Variants in IGDCC3 observed in about 807,000 individuals in gnomAD.
IGDCC3 encodes the protein putative neuronal cell adhesion molecule.
A neutral mutation model predicts 72.0 loss-of-function variants in IGDCC3; 47 were observed. The ratio of observed to expected loss-of-function variants is 0.65; its 90% CI spans 0.52 to 0.83. The LOEUF (loss-of-function observed/expected upper bound fraction) is 0.83, where lower values mean the gene tolerates loss of function less well. Ranked by LOEUF, IGDCC3 falls within the 40% of genes least tolerant of loss-of-function variation. The pLI is 0.00. For missense variants in IGDCC3, 1,038 were observed against 1,091.3 expected (o/e 0.95, Z 0.69); for synonymous variants, 477 against 472.8 (o/e 1.01, Z -0.11).
chr15:65,360,637 A>C (rs115043633), intron 2 of IGDCC3, among the ~76,000 whole-genome samples: 147 of 152,384 alleles, frequency 9.6e-4, no homozygotes, highest in African/African-American at 3.4e-3. Flanking sequence ...AGATAGCAGA[A>C]AAAGATCTGA....
At chr15:65,375,776 C>G (rs1357588493) in intron 1 of IGDCC3, among the ~76,000 whole-genome samples, 5 of 152,166 alleles carry the variant, frequency 3.3e-5, no homozygotes, top group African/African-American at 1.2e-4. Flanking sequence ...CTTCGATGGT[C>G]ACCCTGGATA....
intron 2 of IGDCC3, among the ~76,000 whole-genome samples, chr15:65,372,163 T>C (rs1482278796): frequency 6.6e-6 from 1 of 152,128 alleles, no homozygotes; most frequent in Non-Finnish European, 1.5e-5. Context: ...CCGGCTCCCG[T>C]TACTCAGTGC....
intron 1 of IGDCC3, among the ~76,000 whole-genome samples, chr15:65,376,614 T>TC (rs1199046823): frequency 4.4e-4 from 6 of 13,546 alleles, no homozygotes; most frequent in Non-Finnish European, 9.0e-4. Flanking sequence ...CGCGCCCCCC[T>TC]CCCCCCGTCC....
chr15:65,334,402 G>A (rs1369783950), intron 5 of IGDCC3, among the ~76,000 whole-genome samples: 1 of 152,018 alleles, frequency 6.6e-6, no homozygotes, highest in African/African-American at 2.4e-5. Flanking sequence ...TAGCAGGAGG[G>A]GACAGATTCT....
At position 65,333,331 on chromosome 15, in the gene IGDCC3, C is replaced by T; in HGVS notation, c.908G>A (p.Gly303Asp). Residue 303 changes from glycine (G) to aspartate (D), a missense_variant, in exon 6 of 14, where the codon GGC becomes GAC. By Grantham distance (94) the Gly-to-Asp change is moderately conservative. Transcript: ENST00000327987. The stretch of plus-strand genomic sequence containing the variant: ...TCTGTTGGCTGCACAGACGTAGACG[C>T]CAGAGTGCTGGACCGTCACGTCTGA... ...IISDVTVQHSGVYVCAANRPG... is the reference protein window; with the variant it reads ...IISDVTVQHSDVYVCAANRPG... The T allele has an allele frequency of 2.5e-6, 4 of 1,613,370 alleles. No individual in the cohort carries two copies. The highest frequency in any genetic ancestry group is 3.4e-6 in the Non-Finnish European group (4 of 1,179,726).
intron 2 of IGDCC3, among the ~76,000 whole-genome samples, chr15:65,337,781 A>G (rs1298817853): frequency 6.6e-6 from 1 of 152,068 alleles, no homozygotes; most frequent in Non-Finnish European, 1.5e-5. Context: ...AGCTGTCTAC[A>G]TCCCCCAGGC....
At chr15:65,331,270 C>T in intron 8 of IGDCC3, 56 bp from the exon 9 acceptor site, 17 of 1,595,624 alleles carry the variant, frequency 1.1e-5, no homozygotes, top group Non-Finnish European at 1.5e-5. Flanking sequence ...GTCCTGCCAG[C>T]ATTGGTGAAA....
intron 2 of IGDCC3, among the ~76,000 whole-genome samples, chr15:65,350,348 C>G (rs1367269352): frequency 1.3e-5 from 2 of 151,956 alleles, no homozygotes; most frequent in Non-Finnish European, 2.9e-5. Flanking sequence ...CCAGGCTGGT[C>G]TCTGAACTCC....
chr15:65,371,743 A>G (rs1358701135), intron 2 of IGDCC3, among the ~76,000 whole-genome samples: 2 of 152,208 alleles, frequency 1.3e-5, no homozygotes, highest in Non-Finnish European at 2.9e-5. Context: ...GACTCGGGGT[A>G]GGTCCCCCAT....
At chr15:65,342,557 C>T (rs1445060526) in intron 2 of IGDCC3, among the ~76,000 whole-genome samples, 2 of 152,262 alleles carry the variant, frequency 1.3e-5, no homozygotes, top group African/African-American at 4.8e-5. Flanking sequence ...AGTGCTGGTC[C>T]AGACCCGAAG....
intron 2 of IGDCC3, among the ~76,000 whole-genome samples, chr15:65,337,176 G>A (rs1039186676): frequency 2.0e-4 from 31 of 152,350 alleles, no homozygotes; most frequent in African/African-American, 5.5e-4. Flanking sequence ...GAGCCTTTGT[G>A]CCCTTCCACC....
In IGDCC3 at chr15:65,377,772, G is replaced by A. The variant is rs2140177358; in HGVS notation, c.17C>T (p.Ala6Val). The part of the protein sequence containing the change: MAVQR[A>V]ASPRRPPAPL... ...GGCGGGCGGGCGGCGCGGAGACGCGGCGCGCTGCACAGCCATGGGGCTCTC... is the reference window on the plus strand; with the variant it reads ...GGCGGGCGGGCGGCGCGGAGACGCGACGCGCTGCACAGCCATGGGGCTCTC... The change falls in exon 1 of 14, where the codon GCC becomes GTC. Residue 6 changes from alanine to valine, a missense_variant. Ala to Val is a moderately conservative substitution (Grantham distance 64). Coordinates refer to ENST00000327987, the MANE Select transcript of IGDCC3 (RefSeq NM_004884.4). This position sits in a 1 kb window ranked among gnomAD's most constrained non-coding sequence, Gnocchi z 4.9. 3.1e-6 allele frequency: 4 copies of A among 1,298,364 alleles called. No homozygotes were observed. The East Asian group carries it at 9.7e-5, about 32-fold the overall frequency. The allele number at this position is 1,298,364 out of a possible 1,614,324, so 80.4% of individuals were successfully genotyped here. A position where few individuals can be genotyped will look rare whatever the true frequency, so the allele number is the denominator to read the frequency against.
intron 2 of IGDCC3, among the ~76,000 whole-genome samples, chr15:65,343,791 C>T (rs2140149003): frequency 6.6e-6 from 1 of 152,340 alleles, no homozygotes; most frequent in Admixed American, 6.5e-5. Flanking sequence ...CTTTAAACTC[C>T]TCAAGGCACC....
At chr15:65,345,545 C>G (rs957094737) in intron 2 of IGDCC3, among the ~76,000 whole-genome samples, 1 of 151,302 alleles carries the variant, frequency 6.6e-6, no homozygotes, top group African/African-American at 2.4e-5. Flanking sequence ...CAGAGTGAGA[C>G]CCTGTCTCAC....
In IGDCC3 at chr15:65,339,131, G is replaced by A. The variant is rs1028692565; in HGVS notation, c.410-3175C>T. Among the ~76,000 whole-genome samples the A allele has an allele frequency of 1.1e-4, 17 of 152,118 alleles. No individual in the cohort carries two copies. The highest frequency in any genetic ancestry group is 3.4e-3 in the Middle Eastern group (1 of 294). ...GAATCTTGCTCTGTCACCCAGGCTG[G>A]AGTGCAATGGCATGATCTCAGCTCA... On this transcript the variant is annotated intron_variant, in intron 2 of 13. Coordinates refer to ENST00000327987, the MANE Select transcript of IGDCC3 (RefSeq NM_004884.4). The surrounding 1 kb of genome is among the most constrained non-coding windows in gnomAD (Gnocchi z 4.1).
intron 5 of IGDCC3, among the ~76,000 whole-genome samples, chr15:65,334,349 C>T (rs954039119): frequency 2.0e-5 from 3 of 152,164 alleles, no homozygotes; most frequent in Admixed American, 6.5e-5. Flanking sequence ...GGACTTGGGA[C>T]TGCACAGCTG....
At chr15:65,370,506 C>CAA (rs201261288) in intron 2 of IGDCC3, among the ~76,000 whole-genome samples, 12 of 33,130 alleles carry the variant, frequency 3.6e-4, no homozygotes, top group East Asian at 2.9e-3. Context: ...GACTTGGTCT[C>CAA]AAAAAAAAAA....
intron 2 of IGDCC3, among the ~76,000 whole-genome samples, chr15:65,352,172 T>A (rs590275): frequency 0.13 from 20,119 of 152,196 alleles, 1,605 homozygotes; most frequent in African/African-American, 0.23. Context: ...GATCCTTTGT[T>A]TTTCAGAGTC....
chr15:65,367,345 T>TAA (rs2091293440), intron 2 of IGDCC3, among the ~76,000 whole-genome samples: 1 of 57,502 alleles, frequency 1.7e-5, no homozygotes. Flanking sequence ...AGACTTTGTC[T>TAA]CAAAAAAAAA....
Sources: allele counts gnomAD v4.1 joint callset (sites outside exome capture counted in the v4.1 genomes callset), GRCh38; gene constraint gnomAD v4.1.1; non-coding constraint Gnocchi (gnomAD v3.1); transcripts MANE v1.5; gene names NCBI Gene and HGNC (gene_info 2026-07-23, HGNC 2026-07-21).